Variants in PLCL2 observed in about 807,000 individuals in gnomAD.
PLCL2 encodes the protein inactive phospholipase C-like protein 2.
PLCL2 carries 4 observed loss-of-function variants against 79.6 expected under a neutral mutation model. The ratio of observed to expected loss-of-function variants is 0.05; its 90% CI spans 0.02 to 0.11. PLCL2 has a LOEUF of 0.11. Among genes scored for constraint, PLCL2 ranks in the 10% least tolerant of loss-of-function variants. The pLI is 1.00. For missense variants in PLCL2, 895 were observed against 1,291.0 expected (o/e 0.69, Z 4.70); for synonymous variants, 484 against 457.7 (o/e 1.06, Z -0.73).
At chr3:17,020,470 G>C (rs2064437605) in intron 3 of PLCL2, among the ~76,000 whole-genome samples, 1 of 152,092 alleles carries the variant, frequency 6.6e-6, no homozygotes, top group Admixed American at 6.6e-5. Flanking sequence ...AGCCCCACCT[G>C]TTCAGAGATT....
At chr3:17,013,980 A>G (rs920723861) in intron 2 of PLCL2, among the ~76,000 whole-genome samples, 26 of 152,250 alleles carry the variant, frequency 1.7e-4, no homozygotes, top group African/African-American at 6.0e-4. Flanking sequence ...GTAATGTGTA[A>G]TAAATATGCC....
chr3:17,076,691 C>G (rs2065111439), intron 5 of PLCL2, among the ~76,000 whole-genome samples: 1 of 152,078 alleles, frequency 6.6e-6, no homozygotes, highest in Admixed American at 6.5e-5. Context: ...TTTGTAGAGA[C>G]TAGGTTTTGC....
Position 17,012,130 on chromosome 3 carries a change from G to C in PLCL2, c.2784G>C (p.Arg928=), listed in dbSNP as rs768433777. ...TCAAGAATGCCCAGCCCCCTATACGGGATGCCACAGATCTGAGAGAAAACA... is the reference window on the plus strand; with the variant it reads ...TCAAGAATGCCCAGCCCCCTATACGCGATGCCACAGATCTGAGAGAAAACA... ...EVFKNAQPPI[R]DATDLRENMQ... The change falls in exon 2 of 6, where the codon CGG becomes CGC. Residue 928 remains arginine (R), a synonymous_variant. Coordinates refer to ENST00000615277, the MANE Select transcript of PLCL2 (RefSeq NM_001144382.2). The C allele has an allele frequency of 3.4e-5, 55 of 1,613,090 alleles. No homozygotes were observed. The highest frequency in any genetic ancestry group is 4.2e-5 in the Non-Finnish European group (49 of 1,179,266).
intron 3 of PLCL2, among the ~76,000 whole-genome samples, chr3:17,024,862 G>A (rs1575592662): frequency 6.6e-6 from 1 of 152,174 alleles, no homozygotes; most frequent in African/African-American, 2.4e-5. Flanking sequence ...TGGGCACAGA[G>A]GCGGCTGTGC....
At chr3:16,893,718 A>G (rs2124915907) in intron 1 of PLCL2, among the ~76,000 whole-genome samples, 1 of 152,352 alleles carries the variant, frequency 6.6e-6, no homozygotes, top group Middle Eastern at 3.4e-3. Context: ...TATTAATAGA[A>G]CAAGATGTGG....
chr3:17,008,727 T>C (rs538326335), intron 1 of PLCL2, among the ~76,000 whole-genome samples: 1 of 152,292 alleles, frequency 6.6e-6, no homozygotes, highest in South Asian at 2.1e-4. Flanking sequence ...GCCCTGGGCT[T>C]CACTTAGCTC....
intron 1 of PLCL2, among the ~76,000 whole-genome samples, chr3:16,937,732 T>A (rs1559491486): frequency 6.6e-6 from 1 of 152,236 alleles, no homozygotes; most frequent in Admixed American, 6.5e-5. Flanking sequence ...AAATTAGTGG[T>A]GTGTGTTTTC....
intron 1 of PLCL2, among the ~76,000 whole-genome samples, chr3:16,943,777 A>G (rs980819068): frequency 6.6e-6 from 1 of 152,186 alleles, no homozygotes; most frequent in Non-Finnish European, 1.5e-5. Flanking sequence ...GTTATTCCAT[A>G]ATCTTTAAGC....
intron 3 of PLCL2, among the ~76,000 whole-genome samples, chr3:17,032,557 T>A (rs1364400931): frequency 2.0e-5 from 3 of 152,092 alleles, no homozygotes; most frequent in Non-Finnish European, 4.4e-5. Flanking sequence ...TTATCTTTGC[T>A]CCTTTTTCCT....
chr3:16,944,407 G>A (rs1559493555), intron 1 of PLCL2, among the ~76,000 whole-genome samples: 1 of 152,174 alleles, frequency 6.6e-6, no homozygotes, highest in Admixed American at 6.5e-5. Context: ...TTACTAGGCT[G>A]AACTGTGCCC....
At chr3:16,925,315 A>G (rs1379186460) in intron 1 of PLCL2, among the ~76,000 whole-genome samples, 2 of 151,596 alleles carry the variant, frequency 1.3e-5, no homozygotes, top group Non-Finnish European at 1.5e-5. Flanking sequence ...TTGCACATAT[A>G]TTTATCTTAG....
chr3:16,918,407 C>T (rs1697046932), intron 1 of PLCL2, among the ~76,000 whole-genome samples: 1 of 152,100 alleles, frequency 6.6e-6, no homozygotes, highest in African/African-American at 2.4e-5. Context: ...CGATTTCCTC[C>T]TTTTCTCCTA....
chr3:16,937,168 A>G (rs1697560196), intron 1 of PLCL2, among the ~76,000 whole-genome samples: 1 of 152,216 alleles, frequency 6.6e-6, no homozygotes. Context: ...ATGCAGAGGA[A>G]GCAGGATTGG....
At chr3:16,965,283 T>C (rs2063795557) in intron 1 of PLCL2, among the ~76,000 whole-genome samples, 1 of 152,212 alleles carries the variant, frequency 6.6e-6, no homozygotes, top group Admixed American at 6.5e-5. Context: ...GGGAATCCTT[T>C]CTCCCGTTTC....
intron 3 of PLCL2, among the ~76,000 whole-genome samples, chr3:17,036,756 A>G (rs2064661027): frequency 6.6e-6 from 1 of 152,236 alleles, no homozygotes; most frequent in African/African-American, 2.4e-5. Flanking sequence ...GAAACAGAAT[A>G]TCACAGCCTG....
At chr3:16,949,206 GAT>G (rs1207492104) in intron 1 of PLCL2, among the ~76,000 whole-genome samples, 1 of 91,414 alleles carries the variant, frequency 1.1e-5, no homozygotes, top group Non-Finnish European at 2.2e-5. Context: ...GAAAATGAAA[GAT>G]AGAATTGCTG....
At chr3:17,084,426 C>T (rs977382180) in intron 5 of PLCL2, among the ~76,000 whole-genome samples, 2 of 152,186 alleles carry the variant, frequency 1.3e-5, no homozygotes, top group South Asian at 4.1e-4. Flanking sequence ...CTTCCTAACT[C>T]ATTCTACCAA....
intron 1 of PLCL2, among the ~76,000 whole-genome samples, chr3:16,962,262 TG>T (rs2063762217): frequency 6.6e-6 from 1 of 152,170 alleles, no homozygotes; most frequent in Admixed American, 6.5e-5. Flanking sequence ...TAGTATGAAA[TG>T]GAGAGCTGAG....
intron 1 of PLCL2, among the ~76,000 whole-genome samples, chr3:16,947,293 C>T (rs558412273): frequency 6.6e-5 from 10 of 152,066 alleles, no homozygotes; most frequent in Non-Finnish European, 1.2e-4. Flanking sequence ...TGTGGGAGTG[C>T]AACATAAACT....
Sources: gnomAD v4.1 joint callset for allele counts (sites outside exome capture counted in the v4.1 genomes callset) on GRCh38, gnomAD v4.1.1 for gene constraint, MANE v1.5 for transcripts, NCBI Gene and HGNC (gene_info 2026-07-23, HGNC 2026-07-21) for gene names.